FHIT: variants seen among roughly 807,000 people sequenced by gnomAD.
FHIT encodes fragile histidine triad diadenosine triphosphatase.
Under a neutral mutation model 17.9 loss-of-function variants are expected in FHIT, and 19 were observed. The ratio of observed to expected loss-of-function variants is 1.06; its 90% confidence interval spans 0.74 to 1.56. The LOEUF is 1.56. Ranked by LOEUF, FHIT falls within the 40% of genes most tolerant of loss-of-function variation. The probability of loss-of-function intolerance (pLI) is 0.00; values close to 1 mark genes in which losing one functional copy is unlikely to be tolerated. For missense variants in FHIT, 248 were observed against 189.2 expected (o/e 1.31, Z -1.82); for synonymous variants, 81 against 69.7 (o/e 1.16, Z -0.81).
At chr3:60,809,635 T>A (rs987533128) in intron 4 of FHIT, among the ~76,000 whole-genome samples, 1 of 152,242 alleles carries the variant, frequency 6.6e-6, no homozygotes, top group Non-Finnish European at 1.5e-5. Context: ...AGAGCTCTTA[T>A]TAAAAACAGA....
chr3:61,236,693 T>C (rs914329615), intron 1 of FHIT, among the ~76,000 whole-genome samples: 1 of 152,190 alleles, frequency 6.6e-6, no homozygotes. Context: ...GGTCTCCCAG[T>C]TGACATGATG....
intron 2 of FHIT, among the ~76,000 whole-genome samples, chr3:61,055,991 A>T (rs1229094554): frequency 6.6e-6 from 1 of 152,178 alleles, no homozygotes; most frequent in Non-Finnish European, 1.5e-5. Context: ...AAACTCTTTT[A>T]GTTATTATCC....
At chr3:60,212,552 C>T (rs1409215541) in intron 5 of FHIT, among the ~76,000 whole-genome samples, 1 of 152,120 alleles carries the variant, frequency 6.6e-6, no homozygotes, top group East Asian at 1.9e-4. Flanking sequence ...ATCTCTTTCA[C>T]ATAACGGGAG....
intron 5 of FHIT, among the ~76,000 whole-genome samples, chr3:60,027,100 C>A (rs1700770299): frequency 8.6e-6 from 1 of 116,674 alleles, no homozygotes; most frequent in African/African-American, 3.7e-5. Context: ...AAGACTGTTT[C>A]ACACACAGAC....
At chr3:60,866,687 C>T (rs782163253) in intron 3 of FHIT, among the ~76,000 whole-genome samples, 36 of 152,196 alleles carry the variant, frequency 2.4e-4, no homozygotes, top group Non-Finnish European at 4.0e-4. Flanking sequence ...CAATAGGTAC[C>T]TAACCCAGAG....
chr3:60,454,447 T>G (rs1257621186), intron 5 of FHIT, among the ~76,000 whole-genome samples: 1 of 151,650 alleles, frequency 6.6e-6, no homozygotes, highest in Non-Finnish European at 1.5e-5. Context: ...TGCACTCGCA[T>G]GATCTCGGCT....
At chr3:60,515,325 G>A (rs1028915328) in intron 5 of FHIT, among the ~76,000 whole-genome samples, 11 of 152,210 alleles carry the variant, frequency 7.2e-5, no homozygotes, top group African/African-American at 2.2e-4. Flanking sequence ...ACCACTGGAT[G>A]TGGTGGGAGG....
intron 4 of FHIT, among the ~76,000 whole-genome samples, chr3:60,688,167 T>C (rs1553698867): frequency 1.3e-5 from 2 of 152,178 alleles, no homozygotes; most frequent in Non-Finnish European, 2.9e-5. Context: ...AGATTCAGCT[T>C]TACACAATGC....
intron 3 of FHIT, among the ~76,000 whole-genome samples, chr3:60,993,442 C>A (rs936439938): frequency 6.6e-6 from 1 of 152,140 alleles, no homozygotes; most frequent in Non-Finnish European, 1.5e-5. Context: ...TTCTGCTATA[C>A]CCAACAATGT....
At chr3:60,522,319 C>A (rs1213240639) in intron 5 of FHIT, among the ~76,000 whole-genome samples, 1 of 152,098 alleles carries the variant, frequency 6.6e-6, no homozygotes, top group Non-Finnish European at 1.5e-5. Context: ...CCATGTTGGC[C>A]AGGCTGGTTT....
intron 2 of FHIT, among the ~76,000 whole-genome samples, chr3:61,057,339 G>A (rs1307748056): frequency 6.6e-6 from 1 of 152,130 alleles, no homozygotes; most frequent in African/African-American, 2.4e-5. Flanking sequence ...AGTTAACATT[G>A]GGGGTTCATA....
At chr3:60,350,866 T>C (rs564415870) in intron 5 of FHIT, among the ~76,000 whole-genome samples, 2 of 152,202 alleles carry the variant, frequency 1.3e-5, no homozygotes, top group South Asian at 2.1e-4. Context: ...GCTATGATTA[T>C]GTTATGTAAA....
chr3:60,284,873 G>C (rs781462622), intron 5 of FHIT, among the ~76,000 whole-genome samples: 2 of 152,028 alleles, frequency 1.3e-5, no homozygotes, highest in Non-Finnish European at 2.9e-5. Context: ...GCCCACTCAA[G>C]GATTATTTAA....
At chr3:61,231,030 A>G (rs2040086540) in intron 1 of FHIT, among the ~76,000 whole-genome samples, 1 of 152,240 alleles carries the variant, frequency 6.6e-6, no homozygotes. Flanking sequence ...TGTTCACAAC[A>G]GTAAAATGGA....
intron 2 of FHIT, among the ~76,000 whole-genome samples, chr3:61,105,779 T>C (rs777266900): frequency 2.0e-5 from 3 of 152,198 alleles, no homozygotes; most frequent in Non-Finnish European, 2.9e-5. Context: ...TTGGGAAAAG[T>C]TATTTGTGCA....
Position 60,812,639 on chromosome 3 carries a change from A to G in FHIT, c.-18+9280T>C, listed in dbSNP as rs533767878. ...CTTCACAGTACACGAATTCTAACCCATAAATTGACTATATCCAGAATGTAG... is the reference window on the plus strand; with the variant it reads ...CTTCACAGTACACGAATTCTAACCCGTAAATTGACTATATCCAGAATGTAG... On this transcript the variant is annotated intron_variant, in intron 4 of 9. Transcript: ENST00000492590. Among the ~76,000 whole-genome samples, 16 of 152,292 alleles carry G rather than the reference A, an allele frequency of 1.1e-4. 1 individual carries two copies. In the South Asian group the frequency reaches 3.3e-3, roughly 32 times the overall value.
chr3:60,127,522 C>G (rs1383197418), intron 5 of FHIT, among the ~76,000 whole-genome samples: 1 of 152,174 alleles, frequency 6.6e-6, no homozygotes, highest in African/African-American at 2.4e-5. Flanking sequence ...TCATATTCAA[C>G]AAGTTTACAT....
chr3:61,161,392 G>A (rs554925383), intron 2 of FHIT, among the ~76,000 whole-genome samples: 63 of 151,866 alleles, frequency 4.1e-4, no homozygotes, highest in Middle Eastern at 3.4e-3. Flanking sequence ...TAGTAGAGAC[G>A]GGGGTTTCAC....
chr3:60,638,239 G>A (rs72872760), intron 4 of FHIT, among the ~76,000 whole-genome samples: 1,673 of 152,210 alleles, frequency 0.011, 38 homozygotes, highest in African/African-American at 0.039. Context: ...TGGAGGGAAC[G>A]TTTTTCCTCA....
Sources: gnomAD v4.1 joint callset for allele counts (sites outside exome capture counted in the v4.1 genomes callset) on GRCh38, gnomAD v4.1.1 for gene constraint, MANE v1.5 for transcripts, NCBI Gene and HGNC (gene_info 2026-07-23, HGNC 2026-07-21) for gene names.